The following SPEF2 variants were observed in gnomAD, a reference collection of about 807,000 sequenced individuals.
The protein encoded by SPEF2 is sperm flagellar and cilia associated 2, also known as sperm flagella and cilia-associated protein 2.
In SPEF2, 187 loss-of-function variants were observed where a neutral mutation model predicts 224.6. The observed-to-expected ratio is 0.83, with a 90% confidence interval of 0.74 to 0.94. The LOEUF is 0.94. Ranked by LOEUF, SPEF2 falls within the 40% of genes least tolerant of loss-of-function variation. The pLI, the probability that SPEF2 is intolerant of heterozygous loss-of-function variation, is 0.00. For missense variants in SPEF2, 2,170 were observed against 2,135.6 expected (o/e 1.02, Z -0.32); for synonymous variants, 715 against 707.3 (o/e 1.01, Z -0.17).
At chr5:35,772,658 G>A (rs992762519) in intron 27 of SPEF2, among the ~76,000 whole-genome samples, 18 of 152,244 alleles carry the variant, frequency 1.2e-4, no homozygotes, top group Admixed American at 5.9e-4. Flanking sequence ...GAAGGAAAGG[G>A]AAGAGTATTA....
At chr5:35,648,696 T>G (rs143257460) in intron 5 of SPEF2, among the ~76,000 whole-genome samples, 1 of 152,030 alleles carries the variant, frequency 6.6e-6, no homozygotes, top group Admixed American at 6.6e-5. Context: ...GATAACTAAT[T>G]AATAGTGTAA....
In SPEF2 at chr5:35,814,572, T is replaced by G; in HGVS notation, c.*19T>G. ...GAAATGAAGACAAAAGAGTGTGATT[T>G]TTTTAATTCTGCAATAAATCTTCCA... On this transcript the variant is annotated 3_prime_UTR_variant, in exon 37 of 37. Coordinates refer to ENST00000356031, the MANE Select transcript of SPEF2 (RefSeq NM_024867.4). 6.6e-7 allele frequency: 1 copy of G among 1,506,224 alleles called. No individual in the cohort carries two copies. The highest frequency in any genetic ancestry group is 9.1e-7 in the Non-Finnish European group (1 of 1,099,274). 93.3% of individuals were successfully genotyped at this position (1,506,224 alleles called of 1,614,324 possible). A position where few individuals can be genotyped will look rare whatever the true frequency, so the allele number is the denominator to read the frequency against.
chr5:35,687,249 C>T (rs1753754215), intron 10 of SPEF2, among the ~76,000 whole-genome samples: 1 of 152,044 alleles, frequency 6.6e-6, no homozygotes, highest in African/African-American at 2.4e-5. Context: ...AAATATAAAC[C>T]TTATTACATA....
At chr5:35,758,879 C>T (rs1245558903) in intron 24 of SPEF2, among the ~76,000 whole-genome samples, 1 of 151,386 alleles carries the variant, frequency 6.6e-6, no homozygotes, top group African/African-American at 2.4e-5. Flanking sequence ...GGGGTCAGGG[C>T]CCTGTAAACC....
chr5:35,773,777 G>A lies in SPEF2; in HGVS notation c.3950-116G>A, dbSNP rs750042385. 70 of 1,205,340 alleles carry A rather than the reference G, an allele frequency of 5.8e-5. 2 individuals are homozygous for A. Among genetic ancestry groups the A allele is most frequent in the South Asian group, 2.6e-4 (13 of 49,068 alleles). The allele number at this position is 1,205,340 out of a possible 1,614,324, so 74.7% of individuals were successfully genotyped here. ...GGAGGACCAAGGTTTCATTGTTTCC[G>A]AATCACTAGAGGTTTATAGCTTAAC... is the stretch of plus-strand genomic sequence containing the variant. On this transcript the variant is annotated intron_variant, in intron 27 of 36. Coordinates refer to ENST00000356031, the MANE Select transcript of SPEF2 (RefSeq NM_024867.4).
intron 27 of SPEF2, among the ~76,000 whole-genome samples, chr5:35,772,517 T>G (rs1158934097): frequency 6.6e-6 from 1 of 152,090 alleles, no homozygotes; most frequent in African/African-American, 2.4e-5. Context: ...ACAAGTACCT[T>G]AAGAACAAGG....
chr5:35,777,751 T>A (rs1473482437), intron 29 of SPEF2, among the ~76,000 whole-genome samples: 1 of 152,126 alleles, frequency 6.6e-6, no homozygotes, highest in Non-Finnish European at 1.5e-5. Context: ...CCTGTTCTTA[T>A]TTTCCTGGCA....
At chr5:35,802,180 C>T (rs1757513684) in intron 34 of SPEF2, among the ~76,000 whole-genome samples, 1 of 152,150 alleles carries the variant, frequency 6.6e-6, no homozygotes, top group African/African-American at 2.4e-5. Flanking sequence ...TCTTGTTACT[C>T]TCTCCACCTG....
intron 23 of SPEF2, among the ~76,000 whole-genome samples, chr5:35,751,059 A>AGATATATACG (rs2149720010): frequency 3.2e-5 from 1 of 31,432 alleles, no homozygotes; most frequent in South Asian, 2.1e-3. Flanking sequence ...ATATATACGT[A>AGATATATACG]TATATATGTA....
chr5:35,776,465 TA>T, intron 29 of SPEF2, 70 bp downstream of exon 29: 1 of 1,512,698 alleles, frequency 6.6e-7, no homozygotes, highest in South Asian at 1.3e-5. Context: ...TGAAGATTTT[TA>T]AGGTATTTAC....
intron 16 of SPEF2, among the ~76,000 whole-genome samples, chr5:35,704,228 T>A (rs1739283828): frequency 9.5e-6 from 1 of 105,790 alleles, no homozygotes; most frequent in South Asian, 2.7e-4. Flanking sequence ...TTTACATCAC[T>A]GTGTTAATTT....
At position 35,739,944 on chromosome 5, in the gene SPEF2, A is replaced by G; in HGVS notation, c.3089A>G (p.Tyr1030Cys). 6.2e-7 allele frequency: 1 copy of G among 1,613,982 alleles called. No individual in the cohort carries two copies. Among genetic ancestry groups the G allele is most frequent in the South Asian group, 1.1e-5 (1 of 91,058 alleles). The change falls in exon 22 of 37, where the codon TAC becomes TGC. Residue 1030 changes from tyrosine to cysteine, a missense_variant. By Grantham distance (194) the Tyr-to-Cys change is radical. Coordinates refer to ENST00000356031, the MANE Select transcript of SPEF2 (RefSeq NM_024867.4). ...GAAATGCCTTTGTTTTTAGTACCTTACTGGGAACTAATAGAAAATTCCTAT... is the reference window on the plus strand; with the variant it reads ...GAAATGCCTTTGTTTTTAGTACCTTGCTGGGAACTAATAGAAAATTCCTAT... The part of the protein sequence containing the change: ...PEEMPLFLVP[Y>C]WELIENSYIN...
intron 36 of SPEF2, among the ~76,000 whole-genome samples, chr5:35,811,762 CA>C (rs1353134309): frequency 7.2e-6 from 1 of 139,074 alleles, no homozygotes; most frequent in Non-Finnish European, 1.5e-5. Context: ...CAGTTTTTGC[CA>C]TTACTTTTTT....
At chr5:35,739,876 T>A (rs889650170) in intron 21 of SPEF2, 43 bp from the exon 22 acceptor site, 40 of 1,604,652 alleles carry the variant, frequency 2.5e-5, no homozygotes, top group Non-Finnish European at 3.1e-5. Context: ...TCAGAAGAAC[T>A]TTCATTTTGA....
At chr5:35,774,656 A>G (rs1753354067) in intron 28 of SPEF2, among the ~76,000 whole-genome samples, 1 of 152,170 alleles carries the variant, frequency 6.6e-6, no homozygotes, top group Non-Finnish European at 1.5e-5. Flanking sequence ...GAGCAAACAT[A>G]TCCTAAGGGA....
At chr5:35,712,448 T>C (rs1291974314) in intron 19 of SPEF2, among the ~76,000 whole-genome samples, 1 of 152,120 alleles carries the variant, frequency 6.6e-6, no homozygotes, top group Non-Finnish European at 1.5e-5. Context: ...GCACATTCAG[T>C]TGAAACAAAT....
chr5:35,710,327 GT>G (rs1740836219), intron 19 of SPEF2: 2 of 878,280 alleles, frequency 2.3e-6, no homozygotes, highest in Non-Finnish European at 2.7e-6. Context: ...GGAGGCTGAG[GT>G]GGGCAGATCA....
chr5:35,803,707 G>T (rs543299879), intron 34 of SPEF2, among the ~76,000 whole-genome samples: 3 of 152,182 alleles, frequency 2.0e-5, no homozygotes, highest in African/African-American at 7.2e-5. Context: ...CCCTGTCCCA[G>T]GAAGCCATAA....
intron 25 of SPEF2, 133 bp downstream of exon 25, chr5:35,759,852 A>C: frequency 5.8e-6 from 5 of 855,542 alleles, no homozygotes; most frequent in African/African-American, 1.7e-5. Flanking sequence ...TAATAACCAA[A>C]CATGTTTTTT....
Sources: allele counts gnomAD v4.1 joint callset (sites outside exome capture counted in the v4.1 genomes callset), GRCh38; gene constraint gnomAD v4.1.1; transcripts MANE v1.5; gene names NCBI Gene and HGNC (gene_info 2026-07-23, HGNC 2026-07-21).